The following APOO variants were observed in gnomAD, a reference collection of about 807,000 sequenced individuals.
APOO encodes the protein MICOS complex subunit MIC26.
APOO carries 11 observed loss-of-function variants against 23.1 expected under a neutral mutation model. The observed-to-expected ratio is 0.48, with a 90% CI of 0.30 to 0.79. APOO has a LOEUF of 0.79. Among genes scored for constraint, APOO ranks in the 30% least tolerant of loss-of-function variants. APOO has a pLI of 0.07. For synonymous variants in APOO, 59 were observed against 54.8 expected, an observed-to-expected ratio of 1.08 and a Z score of -0.34; for missense variants, 160 against 142.7, an observed-to-expected ratio of 1.12 and a Z score of -0.62.
rs182317165 is a variant in APOO at position 23,878,495 on chromosome X, G to A, written c.237+420C>T. Among the ~76,000 whole-genome samples the A allele has an allele frequency of 3.6e-5, 4 of 111,838 alleles. No individual in the cohort carries two copies. In the East Asian group the frequency reaches 8.3e-4, roughly 23 times the overall value. On this transcript the variant is annotated intron_variant, in intron 3 of 8. Transcript: ENST00000379226. ...GTATTTCAACATTTTTTGTGGGTAC[G>A]TAGTAGGTATATACATTTATGGGGC... is the stretch of plus-strand genomic sequence containing the variant.
chrX:23,858,567 A>C (rs1924876369), intron 6 of APOO, 75 bp downstream of exon 6: 1 of 997,106 alleles, frequency 1.0e-6, no homozygotes, highest in Non-Finnish European at 1.4e-6. Flanking sequence ...TGCAAAATAA[A>C]ATAAAATTAA....
chrX:23,894,536 C>T (rs1017444074), intron 1 of APOO, among the ~76,000 whole-genome samples: 5 of 112,034 alleles, frequency 4.5e-5, no homozygotes, highest in African/African-American at 1.6e-4. Context: ...TGGCTCACGC[C>T]TGTAATCCAG....
At chrX:23,862,867 AGGGATGCAGGGGATGGAAG>A (rs1331689826) in intron 5 of APOO, among the ~76,000 whole-genome samples, 8 of 52,189 alleles carry the variant, frequency 1.5e-4, no homozygotes, top group Non-Finnish European at 2.7e-4. Context: ...GAGGGGAGGG[AGGGATGCAGGGGATGGAAG>A]GGGAGGGAGG....
intron 2 of APOO, among the ~76,000 whole-genome samples, chrX:23,880,391 T>C (rs1443564960): frequency 8.9e-6 from 1 of 111,764 alleles, no homozygotes; most frequent in Non-Finnish European, 1.9e-5. Context: ...TATAAGGAAA[T>C]ATATTTTCTC....
chrX:23,864,064 C>T (rs762246162), intron 5 of APOO, among the ~76,000 whole-genome samples: 5 of 106,587 alleles, frequency 4.7e-5, no homozygotes, highest in South Asian at 8.5e-4. Flanking sequence ...GGTGCAATCT[C>T]GGCTCACTGC....
intron 1 of APOO, among the ~76,000 whole-genome samples, chrX:23,886,118 C>T (rs1288464160): frequency 4.5e-5 from 5 of 111,496 alleles, no homozygotes; most frequent in Admixed American, 9.6e-5. Flanking sequence ...TCACGACAGT[C>T]AAAAACATCT....
intron 1 of APOO, among the ~76,000 whole-genome samples, chrX:23,886,625 G>A (rs1274411089): frequency 1.8e-5 from 2 of 111,261 alleles, no homozygotes; most frequent in Non-Finnish European, 3.8e-5. Flanking sequence ...TTGGTAAAAG[G>A]TCCCCAGGTA....
intron 1 of APOO, among the ~76,000 whole-genome samples, chrX:23,894,448 A>G (rs1009751170): frequency 8.0e-5 from 9 of 111,903 alleles, no homozygotes; most frequent in African/African-American, 2.6e-4. Context: ...TTTAATATGT[A>G]ATCATATGGC....
chrX:23,896,161 A>C (rs895937083), intron 1 of APOO, among the ~76,000 whole-genome samples: 42 of 109,970 alleles, frequency 3.8e-4, no homozygotes, highest in Admixed American at 9.9e-5. Context: ...CCAGCTACTC[A>C]GGAGGCTGAG....
chrX:23,905,536 T>C (rs768541626), intron 1 of APOO, among the ~76,000 whole-genome samples: 2 of 111,310 alleles, frequency 1.8e-5, no homozygotes, highest in Non-Finnish European at 3.8e-5. Context: ...GAAGAACTCC[T>C]ACCTGTCTCA....
intron 8 of APOO, among the ~76,000 whole-genome samples, chrX:23,839,217 A>G (rs1405720014): frequency 1.8e-5 from 2 of 112,289 alleles, no homozygotes; most frequent in African/African-American, 3.2e-5. Flanking sequence ...GCTGTGAAAG[A>G]GGAACTGGAT....
intron 7 of APOO, among the ~76,000 whole-genome samples, chrX:23,855,036 T>A (rs1924720150): frequency 9.3e-6 from 1 of 107,595 alleles, no homozygotes; most frequent in African/African-American, 3.4e-5. Flanking sequence ...TTTTTTCTTT[T>A]TTTCTTTTTT....
chrX:23,867,923 T>A (rs1207906217), intron 5 of APOO, among the ~76,000 whole-genome samples: 1 of 112,104 alleles, frequency 8.9e-6, no homozygotes, highest in African/African-American at 3.2e-5. Context: ...CAGAGTAGTC[T>A]CTATGGTTCT....
intron 3 of APOO, 120 bp from the exon 4 acceptor site, chrX:23,874,577 C>A: frequency 1.7e-6 from 1 of 581,198 alleles, no homozygotes; most frequent in Non-Finnish European, 2.8e-6. Context: ...GCTTTTTGAA[C>A]AAAGGGATAC....
intron 7 of APOO, among the ~76,000 whole-genome samples, chrX:23,854,770 G>A (rs1387642886): frequency 1.8e-5 from 2 of 110,545 alleles, no homozygotes; most frequent in African/African-American, 3.3e-5. Flanking sequence ...TGCTCCACCC[G>A]CCTCGGCCTC....
rs772041055 is a variant in APOO at position 23,885,390 on chromosome X, T to A, written c.10-4438A>T. ...CTCCAGCCTCGGCAAATATATATATTATATATATATATAAATATATAACTA... is the reference window on the plus strand; with the variant it reads ...CTCCAGCCTCGGCAAATATATATATAATATATATATATAAATATATAACTA... On this transcript the variant is annotated intron_variant, in intron 1 of 8. Transcript: ENST00000379226. Among the ~76,000 whole-genome samples the A allele has an allele frequency of 1.1e-4, 11 of 103,030 alleles. No individual in the cohort carries two copies. The East Asian group carries it at 2.0e-3, about 19-fold the overall frequency. 89.5% of individuals were successfully genotyped at this position (103,030 alleles called of 115,157 possible). A position where few individuals can be genotyped will look rare whatever the true frequency, so the allele number is the denominator to read the frequency against.
intron 7 of APOO, among the ~76,000 whole-genome samples, chrX:23,849,848 C>T (rs1441444626): frequency 9.4e-6 from 1 of 106,034 alleles, no homozygotes; most frequent in Non-Finnish European, 1.9e-5. Context: ...GCCAACATCA[C>T]GCCACTGCAC....
intron 7 of APOO, among the ~76,000 whole-genome samples, chrX:23,847,702 C>A (rs1408918376): frequency 9.3e-6 from 1 of 107,826 alleles, no homozygotes. Flanking sequence ...ACGAACACAG[C>A]GCTCACTGCA....
At chrX:23,847,340 G>A (rs1387824134) in intron 7 of APOO, among the ~76,000 whole-genome samples, 1 of 111,389 alleles carries the variant, frequency 9.0e-6, no homozygotes, top group Non-Finnish European at 1.9e-5. Flanking sequence ...AAGAAACAGG[G>A]TCTTGGCCAG....
Sources: gnomAD v4.1 joint callset for allele counts (sites outside exome capture counted in the v4.1 genomes callset) on GRCh38, gnomAD v4.1.1 for gene constraint, MANE v1.5 for transcripts, NCBI Gene and HGNC (gene_info 2026-07-23, HGNC 2026-07-21) for gene names.